Variants in RAB28 observed in about 807,000 individuals in gnomAD.
The protein encoded by RAB28 is RAB28, member RAS oncogene family.
RAB28 carries 24 observed loss-of-function variants against 31.7 expected under a neutral mutation model. The observed-to-expected ratio is 0.76, with a 90% CI of 0.55 to 1.06. The LOEUF is 1.06. RAB28 is among the 50% of genes least tolerant of loss of function. The pLI is 0.00. For synonymous variants in RAB28, 100 were observed against 90.4 expected (o/e 1.11, Z -0.60); for missense variants, 254 against 258.5 (o/e 0.98, Z 0.12).
At chr4:13,391,565 A>T (rs1036814762) in intron 4 of RAB28, among the ~76,000 whole-genome samples, 3 of 152,204 alleles carry the variant, frequency 2.0e-5, no homozygotes, top group African/African-American at 7.2e-5. Context: ...CTATATACCC[A>T]AAGGATTATA....
chr4:13,442,915 C>G (rs1345605311), intron 4 of RAB28, among the ~76,000 whole-genome samples: 4 of 152,158 alleles, frequency 2.6e-5, no homozygotes, highest in African/African-American at 9.7e-5. Flanking sequence ...TTGATGTGGT[C>G]TTGATTAGGA....
At chr4:13,474,719 A>G (rs896735220) in intron 2 of RAB28, among the ~76,000 whole-genome samples, 1 of 151,760 alleles carries the variant, frequency 6.6e-6, no homozygotes, top group African/African-American at 2.4e-5. Flanking sequence ...CTTAGAGAAC[A>G]GAATGAAGCA....
chr4:13,415,869 C>A (rs915690950), intron 4 of RAB28, among the ~76,000 whole-genome samples: 2 of 152,182 alleles, frequency 1.3e-5, no homozygotes, highest in African/African-American at 4.8e-5. Context: ...ACTTGGAGAA[C>A]CTTTATGTCT....
At chr4:13,470,989 G>A (rs1716091852) in intron 3 of RAB28, among the ~76,000 whole-genome samples, 2 of 151,966 alleles carry the variant, frequency 1.3e-5, no homozygotes, top group Admixed American at 6.6e-5. Flanking sequence ...AAGCTTCTAC[G>A]CAGATGTTAA....
rs143567937 is a variant in RAB28, at chr4:13,418,817, G to A, written c.392-37223C>T. On this transcript the variant is annotated intron_variant, in intron 4 of 6. Coordinates refer to ENST00000330852, the MANE Select transcript of RAB28 (RefSeq NM_001017979.3). The stretch of plus-strand genomic sequence containing the variant: ...AAAAACATGTCAAATTGTAAAGACC[G>A]TCAATGCTAGGAAGAAACTGCATCA... Among the ~76,000 whole-genome samples, 706 of 152,234 alleles carry A rather than the reference G, an allele frequency of 4.6e-3. 6 individuals are homozygous for A. Among genetic ancestry groups the A allele is most frequent in the African/African-American group, 0.016 (668 of 41,544 alleles).
At chr4:13,372,033 G>A (rs1177914032) in intron 6 of RAB28, among the ~76,000 whole-genome samples, 1 of 152,066 alleles carries the variant, frequency 6.6e-6, no homozygotes, top group Non-Finnish European at 1.5e-5. Context: ...GATGGACTCT[G>A]TGCAAAAGCC....
chr4:13,370,560 G>C (rs1728678305), intron 6 of RAB28: 1 of 939,034 alleles, frequency 1.1e-6, no homozygotes, highest in Non-Finnish European at 1.3e-6. Context: ...TGGGAACACA[G>C]AGGAAGGAGT....
At chr4:13,390,802 G>A (rs1272111677) in intron 4 of RAB28, among the ~76,000 whole-genome samples, 4 of 152,130 alleles carry the variant, frequency 2.6e-5, no homozygotes, top group African/African-American at 9.7e-5. Context: ...CAAGCAATGG[G>A]GAAAGGATTC....
At chr4:13,424,777 C>CTA (rs1047524267) in intron 4 of RAB28, among the ~76,000 whole-genome samples, 1 of 152,024 alleles carries the variant, frequency 6.6e-6, no homozygotes, top group African/African-American at 2.4e-5. Context: ...AGACTGGATC[C>CTA]TACCTTCTTC....
intron 4 of RAB28, among the ~76,000 whole-genome samples, chr4:13,457,656 C>T (rs1715371128): frequency 6.6e-6 from 1 of 151,222 alleles, no homozygotes; most frequent in Non-Finnish European, 1.5e-5. Context: ...AAATCTCCAA[C>T]ATAACACTGT....
At chr4:13,406,876 C>T (rs1257868845) in intron 4 of RAB28, among the ~76,000 whole-genome samples, 5 of 151,900 alleles carry the variant, frequency 3.3e-5, no homozygotes, top group African/African-American at 1.2e-4. Context: ...TGTTTAAGTT[C>T]CTTGTAGATT....
At chr4:13,392,304 T>C (rs1729673838) in intron 4 of RAB28, among the ~76,000 whole-genome samples, 1 of 152,188 alleles carries the variant, frequency 6.6e-6, no homozygotes, top group Non-Finnish European at 1.5e-5. Context: ...TAATTCTGAT[T>C]AAAATTACAT....
In RAB28 at chr4:13,368,651, C is replaced by T. The variant is rs754155500; in HGVS notation, c.574-1G>A. 1 of 1,607,910 alleles carries T rather than the reference C, an allele frequency of 6.2e-7. No individual in the cohort carries two copies. Among genetic ancestry groups the T allele is most frequent in the Admixed American group, 1.7e-5 (1 of 59,590 alleles). ...TTACAATATCTGCCTTCACCACCCT[C>T]TGTCATAAAAGAAAACAGAGTTATT... On this transcript the variant is annotated splice_acceptor_variant, in intron 6 of 6. Transcript: ENST00000330852. LOFTEE classifies it high-confidence loss of function.
At chr4:13,385,881 G>C (rs778303294) in intron 4 of RAB28, among the ~76,000 whole-genome samples, 4 of 152,022 alleles carry the variant, frequency 2.6e-5, no homozygotes, top group Admixed American at 1.3e-4. Flanking sequence ...TGGAGTAAAG[G>C]CTTAAATTTA....
intron 4 of RAB28, among the ~76,000 whole-genome samples, chr4:13,449,341 G>T (rs1420573351): frequency 1.3e-5 from 2 of 151,790 alleles, no homozygotes; most frequent in Admixed American, 6.6e-5. Context: ...AATTCCAATG[G>T]TTTTCAAACT....
rs1371210428 is a variant in RAB28, at chr4:13,457,933, T to C, written c.391+2766A>G. 2.0e-5 allele frequency among the ~76,000 whole-genome samples: 3 copies of C among 152,172 alleles called. No homozygotes were observed. The East Asian group carries it at 5.8e-4, about 29-fold the overall frequency. The stretch of plus-strand genomic sequence containing the variant: ...CGCCTCTCCCACAAACACTCTATAA[T>C]TTCTCATAAGGTAATGCAAAACCTC... On this transcript the variant is annotated intron_variant, in intron 4 of 6. Coordinates refer to ENST00000330852, the MANE Select transcript of RAB28 (RefSeq NM_001017979.3).
At position 13,380,046 on chromosome 4, in the gene RAB28, C is replaced by CA. The variant is rs540665838; in HGVS notation, c.495+1444dup. 7.2e-4 allele frequency among the ~76,000 whole-genome samples: 110 copies of CA among 151,932 alleles called. 1 individual carries two copies. The highest frequency in any genetic ancestry group is 1.4e-3 in the Non-Finnish European group (93 of 67,886). On this transcript the variant is annotated intron_variant, in intron 5 of 6. Coordinates refer to ENST00000330852, the MANE Select transcript of RAB28 (RefSeq NM_001017979.3). ...ACAAGTTAAAATAATTCTGAAATGG[C>CA]AAAAAAAGCCCCTGGGAAGATTAAG...
At chr4:13,441,478 T>A (rs1341228990) in intron 4 of RAB28, among the ~76,000 whole-genome samples, 1 of 152,210 alleles carries the variant, frequency 6.6e-6, no homozygotes, top group African/African-American at 2.4e-5. Flanking sequence ...TGACAATATA[T>A]TTTCAAAGTA....
intron 4 of RAB28, among the ~76,000 whole-genome samples, chr4:13,402,751 T>G (rs975205197): frequency 1.3e-5 from 2 of 152,064 alleles, no homozygotes; most frequent in East Asian, 1.9e-4. Context: ...AGGGGCCAGA[T>G]AGTAAATATT....
Sources: allele counts gnomAD v4.1 joint callset (sites outside exome capture counted in the v4.1 genomes callset), GRCh38; gene constraint gnomAD v4.1.1; transcripts MANE v1.5; gene names NCBI Gene and HGNC (gene_info 2026-07-23, HGNC 2026-07-21).